Variants in CAMK4 observed in about 807,000 individuals in gnomAD.
CAMK4 encodes the protein calcium/calmodulin dependent protein kinase IV.
CAMK4 carries 22 observed loss-of-function variants against 44.9 expected under a neutral mutation model. The ratio of observed to expected loss-of-function variants is 0.49; its 90% CI spans 0.35 to 0.70. The LOEUF is 0.70. Ranked by LOEUF, CAMK4 falls within the 30% of genes least tolerant of loss-of-function variation. The pLI, the probability that CAMK4 is intolerant of heterozygous loss-of-function variation, is 0.01. For synonymous variants in CAMK4, 218 were observed against 215.4 expected (o/e 1.01, Z -0.11); for missense variants, 498 against 586.8 (o/e 0.85, Z 1.56).
intron 1 of CAMK4, among the ~76,000 whole-genome samples, chr5:111,286,028 G>A (rs1751226433): frequency 6.6e-6 from 1 of 152,196 alleles, no homozygotes; most frequent in South Asian, 2.1e-4. Flanking sequence ...TCGATCAGAG[G>A]CTGAATTGGT....
At chr5:111,227,640 A>T (rs2112487408) in intron 1 of CAMK4, among the ~76,000 whole-genome samples, 1 of 152,356 alleles carries the variant, frequency 6.6e-6, no homozygotes, top group South Asian at 2.1e-4. Context: ...GCCCCTGGAT[A>T]GTGCTGGCGA....
At chr5:111,258,661 C>G (rs1749843345) in intron 1 of CAMK4, among the ~76,000 whole-genome samples, 1 of 151,730 alleles carries the variant, frequency 6.6e-6, no homozygotes, top group Non-Finnish European at 1.5e-5. Context: ...CATGGGAATT[C>G]TGGGAGATAC....
At chr5:111,383,820 A>G (rs1382931588) in intron 4 of CAMK4, among the ~76,000 whole-genome samples, 1 of 152,132 alleles carries the variant, frequency 6.6e-6, no homozygotes, top group African/African-American at 2.4e-5. Context: ...TTCAGCAATG[A>G]AAAGGAATGT....
chr5:111,443,923 C>G (rs1753937474), intron 5 of CAMK4, among the ~76,000 whole-genome samples: 1 of 152,184 alleles, frequency 6.6e-6, no homozygotes, highest in African/African-American at 2.4e-5. Flanking sequence ...CCTTCAAACT[C>G]AGCTTATATC....
At chr5:111,288,873 T>C (rs1375709793) in intron 1 of CAMK4, among the ~76,000 whole-genome samples, 2 of 152,244 alleles carry the variant, frequency 1.3e-5, no homozygotes, top group African/African-American at 4.8e-5. Flanking sequence ...GTCAGTAAAC[T>C]ACCTCAAGAC....
At chr5:111,390,061 T>A (rs917898696) in intron 4 of CAMK4, among the ~76,000 whole-genome samples, 2 of 152,190 alleles carry the variant, frequency 1.3e-5, no homozygotes, top group African/African-American at 4.8e-5. Flanking sequence ...CCATTTAACC[T>A]AATCATGAAT....
chr5:111,397,977 C>T (rs147474039), intron 5 of CAMK4, among the ~76,000 whole-genome samples: 274 of 152,080 alleles, frequency 1.8e-3, no homozygotes, highest in African/African-American at 6.2e-3. Flanking sequence ...TATCTATATG[C>T]GAGTAACAGA....
rs557886062 is a variant in CAMK4 at position 111,316,796 on chromosome 5, G to A, written c.162-27228G>A. 2.6e-5 allele frequency among the ~76,000 whole-genome samples: 4 copies of A among 152,070 alleles called. No homozygotes were observed. The South Asian group carries it at 8.3e-4, about 31-fold the overall frequency. On this transcript the variant is annotated intron_variant, in intron 1 of 10. Coordinates refer to ENST00000282356, the MANE Select transcript of CAMK4 (RefSeq NM_001744.6). ...GCAATCTATAATTTCAATTAATATTGCATTTTCAAGAATAGGAATAGCAAC... is the reference window on the plus strand; with the variant it reads ...GCAATCTATAATTTCAATTAATATTACATTTTCAAGAATAGGAATAGCAAC...
At chr5:111,268,565 G>A (rs1750362704) in intron 1 of CAMK4, among the ~76,000 whole-genome samples, 1 of 152,178 alleles carries the variant, frequency 6.6e-6, no homozygotes, top group Non-Finnish European at 1.5e-5. Context: ...ATGGGAAAAA[G>A]TAAATAGAAA....
At chr5:111,281,922 G>A (rs1244517092) in intron 1 of CAMK4, among the ~76,000 whole-genome samples, 3 of 151,856 alleles carry the variant, frequency 2.0e-5, no homozygotes, top group African/African-American at 7.3e-5. Context: ...GCCGGGCGAG[G>A]TGGCGGGCGC....
chr5:111,251,915 T>G (rs146060936), intron 1 of CAMK4, among the ~76,000 whole-genome samples: 20 of 152,288 alleles, frequency 1.3e-4, no homozygotes, highest in African/African-American at 4.6e-4. Context: ...AACCAGTGTT[T>G]ATATCTTATT....
chr5:111,384,605 GA>G (rs1210734492), intron 4 of CAMK4, among the ~76,000 whole-genome samples: 1 of 152,078 alleles, frequency 6.6e-6, no homozygotes, highest in African/African-American at 2.4e-5. Flanking sequence ...CCTGTGAACT[GA>G]TTCACCAACT....
chr5:111,356,635 A>G (rs1750368784), intron 2 of CAMK4, among the ~76,000 whole-genome samples: 1 of 152,158 alleles, frequency 6.6e-6, no homozygotes, highest in Non-Finnish European at 1.5e-5. Flanking sequence ...TTATGGTTTT[A>G]GGTCTAACAT....
At chr5:111,227,351 CT>C (rs1249627089) in intron 1 of CAMK4, among the ~76,000 whole-genome samples, 1 of 152,188 alleles carries the variant, frequency 6.6e-6, no homozygotes, top group Non-Finnish European at 1.5e-5. Context: ...CCAAATCCAC[CT>C]GCTAGTGTGA....
intron 7 of CAMK4, among the ~76,000 whole-genome samples, chr5:111,463,405 A>G (rs944643382): frequency 6.6e-6 from 1 of 152,204 alleles, no homozygotes; most frequent in East Asian, 1.9e-4. Context: ...CCAGGAGACA[A>G]CCTAAAAACT....
intron 1 of CAMK4, among the ~76,000 whole-genome samples, chr5:111,286,498 G>A (rs963685620): frequency 5.9e-4 from 90 of 152,168 alleles, no homozygotes; most frequent in African/African-American, 2.1e-3. Flanking sequence ...CCACTTAACA[G>A]TCCTTTGCAG....
intron 1 of CAMK4, among the ~76,000 whole-genome samples, chr5:111,272,044 T>TC: frequency 6.6e-6 from 1 of 152,220 alleles, no homozygotes; most frequent in Non-Finnish European, 1.5e-5. Flanking sequence ...ATATCTTTTT[T>TC]CCCTTTGTTA....
chr5:111,224,747 C>G lies in CAMK4; in HGVS notation c.161+103C>G, dbSNP rs1197970599. ...TGCGGGAGCCTGCCTTCGTGCCCTT[C>G]GATTTCTCCCTACCTAGTTAGTGTC... is the stretch of plus-strand genomic sequence containing the variant. On this transcript the variant is annotated intron_variant, in intron 1 of 10. Transcript: ENST00000282356. The surrounding 1 kb of genome is among the most constrained non-coding windows in gnomAD (Gnocchi z 5.7). 2 of 1,098,628 alleles carry G rather than the reference C, an allele frequency of 1.8e-6. No homozygotes were observed. Among genetic ancestry groups the G allele is most frequent in the East Asian group, 2.7e-5 (1 of 36,576 alleles). 68.1% of individuals were successfully genotyped at this position (1,098,628 alleles called of 1,614,324 possible).
intron 1 of CAMK4, among the ~76,000 whole-genome samples, chr5:111,263,689 A>C (rs1337523932): frequency 6.6e-6 from 1 of 152,212 alleles, no homozygotes; most frequent in African/African-American, 2.4e-5. Flanking sequence ...TGATAGCTGT[A>C]TAACCCTCCC....
Sources: allele counts gnomAD v4.1 joint callset (sites outside exome capture counted in the v4.1 genomes callset), GRCh38; gene constraint gnomAD v4.1.1; non-coding constraint Gnocchi (gnomAD v3.1); transcripts MANE v1.5; gene names NCBI Gene and HGNC (gene_info 2026-07-23, HGNC 2026-07-21).